Variants in HEATR5A observed in about 807,000 individuals in gnomAD.
HEATR5A encodes HEAT repeat-containing protein 5A.
HEATR5A carries 178 observed loss-of-function variants against 218.8 expected under a neutral mutation model. The observed-to-expected ratio is 0.81, with a 90% CI of 0.72 to 0.92. The LOEUF (loss-of-function observed/expected upper bound fraction) is 0.92. Ranked by LOEUF, HEATR5A falls within the 40% of genes least tolerant of loss-of-function variation. The probability of loss-of-function intolerance (pLI) is 0.00; values close to 1 mark genes in which losing one functional copy is unlikely to be tolerated. For missense variants in HEATR5A, 2,420 were observed against 2,418.9 expected, an observed-to-expected ratio of 1.00 and a Z score of -0.01; for synonymous variants, 864 against 871.6, an observed-to-expected ratio of 0.99 and a Z score of 0.15.
At chr14:31,409,049 C>T (rs1448208241) in intron 1 of HEATR5A, among the ~76,000 whole-genome samples, 1 of 2,306 alleles carries the variant, frequency 4.3e-4, no homozygotes, top group Non-Finnish European at 0.014. Flanking sequence ...AGCGAGACTC[C>T]GTCTCAAAAA....
intron 21 of HEATR5A, among the ~76,000 whole-genome samples, chr14:31,343,551 AAAG>A (rs1463445033): frequency 6.6e-6 from 1 of 152,224 alleles, no homozygotes; most frequent in Non-Finnish European, 1.5e-5. Context: ...AATAGATGAA[AAAG>A]AAGAAAAAAA....
rs112799872 is a variant in HEATR5A at position 31,292,608 on chromosome 14, A to T, written c.*697T>A. 6.8e-6 allele frequency: 1 copy of T among 147,656 alleles called. No homozygotes were observed. The highest frequency in any genetic ancestry group is 1.5e-5 in the Non-Finnish European group (1 of 67,322). 9.1% of individuals were successfully genotyped at this position (147,656 alleles called of 1,614,324 possible). A position where few individuals can be genotyped will look rare whatever the true frequency, so the allele number is the denominator to read the frequency against. On this transcript the variant is annotated 3_prime_UTR_variant, in exon 36 of 36. Coordinates refer to ENST00000543095, the MANE Select transcript of HEATR5A (RefSeq NM_015473.4). ...ATTTTTTTTTTTTTTTTTTAGATGG[A>T]GTCTCACTCTGTCGCCCAGGCTGGA...
intron 16 of HEATR5A, 95 bp from the exon 17 acceptor site, chr14:31,350,812 C>G (rs1319802269): frequency 1.2e-5 from 9 of 720,956 alleles, no homozygotes; most frequent in Admixed American, 4.5e-5. Flanking sequence ...GAGTCTCACT[C>G]TGTCACCCAG....
At chr14:31,305,720 C>T (rs1899535773) in intron 31 of HEATR5A, among the ~76,000 whole-genome samples, 1 of 152,170 alleles carries the variant, frequency 6.6e-6, no homozygotes, top group South Asian at 2.1e-4. Context: ...CTGGTTAACT[C>T]CTTCTTGCTG....
In HEATR5A at chr14:31,398,732, G is replaced by C. The variant is rs745479307; in HGVS notation, c.388C>G (p.Leu130Val). 3 of 1,533,566 alleles carry C rather than the reference G, an allele frequency of 2.0e-6. No individual in the cohort carries two copies. In the East Asian group the frequency reaches 7.3e-5, roughly 38 times the overall value. 95.0% of individuals were successfully genotyped at this position (1,533,566 alleles called of 1,614,324 possible). Residue 130 changes from leucine (L) to valine (V), a missense_variant, in exon 4 of 36, where the codon CTG (leucine) becomes GTG (valine). Coordinates refer to ENST00000543095, the MANE Select transcript of HEATR5A (RefSeq NM_015473.4). ...GSLYKKLGRILGNTFTDTVGN... is the reference protein window; with the variant it reads ...GSLYKKLGRIVGNTFTDTVGN... ...ACTGTATCAGTAAAGGTGTTACCCA[G>C]TATTCTACCCAACTTCTTGTACAAG... is the stretch of plus-strand genomic sequence containing the variant.
At chr14:31,300,921 A>AT (rs893207527) in intron 33 of HEATR5A, among the ~76,000 whole-genome samples, 107 of 151,726 alleles carry the variant, frequency 7.1e-4, no homozygotes, top group African/African-American at 2.1e-3. Flanking sequence ...ACCAGTTAGA[A>AT]TTTTTTTTTA....
chr14:31,305,299 G>T (rs1399696542), intron 31 of HEATR5A, 122 bp from the exon 32 acceptor site: 3 of 1,013,692 alleles, frequency 3.0e-6, no homozygotes, highest in African/African-American at 1.6e-5. Context: ...GTCTCGCTCT[G>T]TCACACAGGC....
chr14:31,350,788 GTT>G, intron 16 of HEATR5A, 71 bp from the exon 17 acceptor site: 1 of 854,780 alleles, frequency 1.2e-6, no homozygotes, highest in Non-Finnish European at 1.9e-6. Context: ...TTGTTTGTTT[GTT>G]TGTTTGAGAC....
chr14:31,322,164 T>C (rs1900128205), intron 24 of HEATR5A, among the ~76,000 whole-genome samples: 1 of 152,184 alleles, frequency 6.6e-6, no homozygotes, highest in South Asian at 2.1e-4. Flanking sequence ...GGTGGGAGTA[T>C]AAAAAACATT....
chr14:31,357,882 C>G (rs1901479802), intron 16 of HEATR5A, among the ~76,000 whole-genome samples: 1 of 152,088 alleles, frequency 6.6e-6, no homozygotes, highest in African/African-American at 2.4e-5. Context: ...AGGGGGGCCC[C>G]AACCAGTGGG....
At chr14:31,383,915 A>G (rs1462616514) in intron 9 of HEATR5A, 144 bp from the exon 10 acceptor site, 1 of 634,672 alleles carries the variant, frequency 1.6e-6, no homozygotes, top group African/African-American at 1.8e-5. Flanking sequence ...ATAATTACAA[A>G]TAATTTTCTT....
chr14:31,414,028 T>C (rs2031368791), intron 1 of HEATR5A, among the ~76,000 whole-genome samples: 1 of 152,224 alleles, frequency 6.6e-6, no homozygotes, highest in Admixed American at 6.5e-5. Context: ...GCCCTTTCCA[T>C]CTAGACGGCA....
chr14:31,306,834 T>C lies in HEATR5A; in HGVS notation c.4864A>G (p.Thr1622Ala). 1 of 1,613,622 alleles carries C rather than the reference T, an allele frequency of 6.2e-7. No homozygotes were observed. The highest frequency in any genetic ancestry group is 8.5e-7 in the Non-Finnish European group (1 of 1,179,642). Residue 1622 changes from threonine to alanine, a missense_variant, in exon 31 of 36, where the codon ACC (threonine) becomes GCC (alanine). Transcript: ENST00000543095. ...AACTGAATGGAAGGTGATTCTCTGG[T>C]TAAAATTACTCGATGTAGAACATTC... The part of the protein sequence containing the change: ...LLNVLHRVIL[T>A]RESPSIQLAS...
In HEATR5A at chr14:31,382,455, T is replaced by C. The variant is rs1284212092; in HGVS notation, c.1596+1066A>G. On this transcript the variant is annotated intron_variant, in intron 10 of 35. Transcript: ENST00000543095. ...GAATAATGGTGTATTTTTTTAAATA[T>C]ATTTACGAGTTTGTGAGAAGTATGG... 2.0e-5 allele frequency among the ~76,000 whole-genome samples: 3 copies of C among 152,158 alleles called. No homozygotes were observed. In the East Asian group the frequency reaches 5.8e-4, roughly 29 times the overall value.
chr14:31,391,843 T>G (rs1176729889), intron 6 of HEATR5A, among the ~76,000 whole-genome samples: 1 of 152,190 alleles, frequency 6.6e-6, no homozygotes, highest in African/African-American at 2.4e-5. Context: ...TGTAGAGGTG[T>G]GTAGTCTAAG....
At chr14:31,389,122 T>C (rs140915827) in intron 6 of HEATR5A, 117 bp from the exon 7 acceptor site, 483 of 971,756 alleles carry the variant, frequency 5.0e-4, no homozygotes, top group Middle Eastern at 1.4e-3. Context: ...TCAAACAAAA[T>C]GCAAAATTTA....
At chr14:31,300,907 A>C (rs1251689979) in intron 33 of HEATR5A, among the ~76,000 whole-genome samples, 1 of 152,198 alleles carries the variant, frequency 6.6e-6, no homozygotes, top group Non-Finnish European at 1.5e-5. Context: ...ATTTTTTAAA[A>C]AAAACCAGTT....
intron 24 of HEATR5A, among the ~76,000 whole-genome samples, chr14:31,322,867 G>C (rs1900154768): frequency 6.8e-6 from 1 of 147,424 alleles, no homozygotes; most frequent in Non-Finnish European, 1.5e-5. Context: ...TTGAACATAT[G>C]AGCTTAAGTG....
At chr14:31,303,661 T>C (rs1198555466) in intron 32 of HEATR5A, among the ~76,000 whole-genome samples, 1 of 152,064 alleles carries the variant, frequency 6.6e-6, no homozygotes, top group African/African-American at 2.4e-5. Context: ...AACACATGCA[T>C]ATACACGAAA....
Sources: allele counts gnomAD v4.1 joint callset (sites outside exome capture counted in the v4.1 genomes callset), GRCh38; gene constraint gnomAD v4.1.1; transcripts MANE v1.5; gene names NCBI Gene and HGNC (gene_info 2026-07-23, HGNC 2026-07-21).